Variants in MPP2 observed in about 807,000 individuals in gnomAD.
MPP2 encodes the protein MAGUK p55 scaffold protein 2.
In MPP2, 42 loss-of-function variants were observed where a neutral mutation model predicts 58.5. The ratio of observed to expected loss-of-function variants is 0.72; its 90% CI spans 0.56 to 0.93. MPP2 has a LOEUF of 0.93. MPP2 is among the 40% of genes least tolerant of loss of function. The pLI is 0.00. For synonymous variants in MPP2, 300 were observed against 307.8 expected, an observed-to-expected ratio of 0.97 and a Z score of 0.26; for missense variants, 632 against 760.4, an observed-to-expected ratio of 0.83 and a Z score of 1.99.
At chr17:43,891,412 G>T (rs554506650) in intron 3 of MPP2, among the ~76,000 whole-genome samples, 2 of 152,114 alleles carry the variant, frequency 1.3e-5, no homozygotes, top group Admixed American at 1.3e-4. Flanking sequence ...CTACTCGGGA[G>T]GCTGAGGCAG....
In MPP2 at chr17:43,880,383, G is replaced by C. The variant is rs139096885; in HGVS notation, c.1150+308C>G. Among the ~76,000 whole-genome samples the C allele has an allele frequency of 6.6e-6, 1 of 152,174 alleles. No individual in the cohort carries two copies. The highest frequency in any genetic ancestry group is 2.4e-5 in the African/African-American group (1 of 41,436). ...CCACAAGGCTACACACATGCAGCTC[G>C]TAGCCTGTTTCACCCGGGTGCACAG... is the stretch of plus-strand genomic sequence containing the variant. On this transcript the variant is annotated intron_variant, in intron 10 of 12. Coordinates refer to ENST00000269095, the MANE Select transcript of MPP2 (RefSeq NM_005374.5). The surrounding 1 kb of genome is among the most constrained non-coding windows in gnomAD (Gnocchi z 5.2).
chr17:43,901,897 G>T (rs1457673792), intron 2 of MPP2, among the ~76,000 whole-genome samples: 1 of 152,142 alleles, frequency 6.6e-6, no homozygotes, highest in African/African-American at 2.4e-5. Context: ...CAACCATACT[G>T]ACCCATGGGG....
rs866875404 is a variant in MPP2 at position 43,904,462 on chromosome 17, G to A, written c.-2C>T. 4 of 1,614,074 alleles carry A rather than the reference G, an allele frequency of 2.5e-6. No homozygotes were observed. Among genetic ancestry groups the A allele is most frequent in the South Asian group, 1.1e-5 (1 of 91,072 alleles). On this transcript the variant is annotated 5_prime_UTR_variant, in exon 2 of 13. Coordinates refer to ENST00000269095, the MANE Select transcript of MPP2 (RefSeq NM_005374.5). Reference sequence around the variant, plus strand: ...AGAGTTGGTGGCGGCAACCGGCATGGTGAAGGAGGCAAGGGCTCTGAAACG... The same window carrying A: ...AGAGTTGGTGGCGGCAACCGGCATGATGAAGGAGGCAAGGGCTCTGAAACG...
In MPP2 at chr17:43,880,662, C is replaced by G; in HGVS notation, c.1150+29G>C. On this transcript the variant is annotated intron_variant, in intron 10 of 12. Transcript: ENST00000269095. The surrounding 1 kb of genome is among the most constrained non-coding windows in gnomAD (Gnocchi z 5.2). Reference sequence around the variant, plus strand: ...CCAGGGGAGCCCTGCTCCTTGTCCCCAACTCAGCAGGGCCCAGCTCCCACT... The same window carrying G: ...CCAGGGGAGCCCTGCTCCTTGTCCCGAACTCAGCAGGGCCCAGCTCCCACT... 1.3e-6 allele frequency: 2 copies of G among 1,574,218 alleles called. No individual in the cohort carries two copies. The highest frequency in any genetic ancestry group is 2.3e-5 in the South Asian group (2 of 85,856).
chr17:43,898,489 G>GCCCCTCCCAGGCAACATT, intron 2 of MPP2, 109 bp from the exon 3 acceptor site: 1 of 222,878 alleles, frequency 4.5e-6, no homozygotes, highest in Non-Finnish European at 7.5e-6. Flanking sequence ...ACAGAAGGCA[G>GCCCCTCCCAGGCAACATT]CCCCTCCCCG....
chr17:43,886,886 T>A (rs189198512), intron 3 of MPP2, among the ~76,000 whole-genome samples: 28 of 152,316 alleles, frequency 1.8e-4, no homozygotes, highest in African/African-American at 6.5e-4. Context: ...TGTCTACTCA[T>A]GTCTTTCCCA....
chr17:43,906,952 C>G (rs1250303698), intron 1 of MPP2, among the ~76,000 whole-genome samples: 2 of 151,984 alleles, frequency 1.3e-5, no homozygotes, highest in East Asian at 3.9e-4. Context: ...ACCCTGGCTC[C>G]CGACCCGCCC....
chr17:43,900,627 C>G, intron 2 of MPP2: 1 of 1,461,320 alleles, frequency 6.8e-7, no homozygotes, highest in Non-Finnish European at 9.1e-7. Context: ...CAAAGCCTGG[C>G]CGGGCTGGGG....
Position 43,880,982 on chromosome 17 carries a change from G to A in MPP2, c.988+108C>T, listed in dbSNP as rs370939483. The A allele has an allele frequency of 2.4e-5, 36 of 1,525,676 alleles. No homozygotes were observed. In the East Asian group the frequency reaches 2.5e-4, roughly 10 times the overall value. The allele number at this position is 1,525,676 out of a possible 1,614,324, so 94.5% of individuals were successfully genotyped here. On this transcript the variant is annotated intron_variant, in intron 9 of 12. Coordinates refer to ENST00000269095, the MANE Select transcript of MPP2 (RefSeq NM_005374.5). The surrounding 1 kb of genome is among the most constrained non-coding windows in gnomAD (Gnocchi z 5.2). ...GGAGTCGGGCAGGGCCTAGGGACAC[G>A]GCTGGCAGCATCTGAGCCAGGCACA... is the stretch of plus-strand genomic sequence containing the variant.
chr17:43,885,912 C>T lies in MPP2; in HGVS notation c.151-2557G>A, dbSNP rs144472629. ...ATCACCTGAGGTCAGGAGTTTGAGACGAGCCTGACCAACATGGTGAAACAC... is the reference window on the plus strand; with the variant it reads ...ATCACCTGAGGTCAGGAGTTTGAGATGAGCCTGACCAACATGGTGAAACAC... On this transcript the variant is annotated intron_variant, in intron 3 of 12. Coordinates refer to ENST00000269095, the MANE Select transcript of MPP2 (RefSeq NM_005374.5). Among the ~76,000 whole-genome samples, 1,397 of 152,052 alleles carry T rather than the reference C, an allele frequency of 9.2e-3. 8 individuals carry two copies. The highest frequency in any genetic ancestry group is 0.014 in the Non-Finnish European group (958 of 67,990).
At chr17:43,897,124 C>T (rs1051829638) in intron 3 of MPP2, among the ~76,000 whole-genome samples, 2 of 152,196 alleles carry the variant, frequency 1.3e-5, no homozygotes, top group African/African-American at 2.4e-5. Flanking sequence ...CAGATATAAC[C>T]CCCCAACAGT....
chr17:43,896,938 G>A (rs1383613536), intron 3 of MPP2, among the ~76,000 whole-genome samples: 5 of 152,012 alleles, frequency 3.3e-5, no homozygotes, highest in African/African-American at 1.2e-4. Context: ...AGGAGAGGGG[G>A]CATCCTTCCA....
At position 43,877,960 on chromosome 17, in the gene MPP2, CACTGTCCG is replaced by C. The variant is rs1217938661; in HGVS notation, c.1498_1505del (p.Arg500GlyfsTer15). On this transcript the variant is annotated frameshift_variant, in exon 13 of 13. Transcript: ENST00000269095. LOFTEE classifies it high-confidence loss of function. ...CCCGCTGGATGCGGCTGCTCTCCTCCACTGTCCGTCTCAGGTCCGCCTCCTGCCCAGGC... is the reference window on the plus strand; with the variant it reads ...CCCGCTGGATGCGGCTGCTCTCCTCCTCTCAGGTCCGCCTCCTGCCCAGGC... The C allele has an allele frequency of 6.2e-7, 1 of 1,613,684 alleles. No individual in the cohort carries two copies. The highest frequency in any genetic ancestry group is 8.5e-7 in the Non-Finnish European group (1 of 1,179,796).
At chr17:43,878,178 G>C (rs2143500612) in intron 12 of MPP2, among the ~76,000 whole-genome samples, 195 bp from the exon 13 acceptor site, 1 of 152,310 alleles carries the variant, frequency 6.6e-6, no homozygotes, top group African/African-American at 2.4e-5. Context: ...GAGTGAAAGG[G>C]AGGAAATAAG....
chr17:43,893,567 A>G (rs1268260446), intron 3 of MPP2, among the ~76,000 whole-genome samples: 1 of 152,196 alleles, frequency 6.6e-6, no homozygotes, highest in Non-Finnish European at 1.5e-5. Context: ...GAAGTAGGTG[A>G]ACAGCAGGAG....
chr17:43,881,876 G>A (rs2047141203), intron 6 of MPP2, among the ~76,000 whole-genome samples: 1 of 152,258 alleles, frequency 6.6e-6, no homozygotes, highest in East Asian at 1.9e-4. Context: ...CTCTCCCCTT[G>A]GAGAAGGGCT....
rs2047006620 is a variant in MPP2, at chr17:43,879,568, G to A, written c.1354-165C>T. Among the ~76,000 whole-genome samples the A allele has an allele frequency of 6.6e-6, 1 of 152,126 alleles. No homozygotes were observed. The highest frequency in any genetic ancestry group is 6.5e-5 in the Admixed American group (1 of 15,282). The stretch of plus-strand genomic sequence containing the variant: ...GTCCTGGGACAAATGACAAACAGCT[G>A]GCAGGTGGCTGGGGTGACTGGAGGA... On this transcript the variant is annotated intron_variant, in intron 11 of 12. Transcript: ENST00000269095. The surrounding 1 kb of genome is among the most constrained non-coding windows in gnomAD (Gnocchi z 4.1).
At chr17:43,906,869 C>G (rs932889494) in intron 1 of MPP2, among the ~76,000 whole-genome samples, 3 of 151,194 alleles carry the variant, frequency 2.0e-5, no homozygotes, top group African/African-American at 4.9e-5. Context: ...CCGCCCCCCC[C>G]TTAATTGACC....
chr17:43,902,660 A>G (rs928662350), intron 2 of MPP2, among the ~76,000 whole-genome samples: 1 of 152,126 alleles, frequency 6.6e-6, no homozygotes, highest in Non-Finnish European at 1.5e-5. Context: ...TTTCTCGGAG[A>G]GGAGGCACAG....
Sources: allele counts gnomAD v4.1 joint callset (sites outside exome capture counted in the v4.1 genomes callset), GRCh38; gene constraint gnomAD v4.1.1; non-coding constraint Gnocchi (gnomAD v3.1); transcripts MANE v1.5; gene names NCBI Gene and HGNC (gene_info 2026-07-23, HGNC 2026-07-21).